ITGA10: variants seen among roughly 807,000 people sequenced by gnomAD.
The protein encoded by ITGA10 is integrin subunit alpha 10.
ITGA10 carries 105 observed loss-of-function variants against 145.2 expected under a neutral mutation model. That is an observed-to-expected ratio of 0.72 (90% CI 0.62 to 0.85). The LOEUF (loss-of-function observed/expected upper bound fraction) is 0.85. Ranked by LOEUF, ITGA10 falls within the 40% of genes least tolerant of loss-of-function variation. ITGA10 has a pLI of 0.00. For synonymous variants in ITGA10, 506 were observed against 557.8 expected, an observed-to-expected ratio of 0.91 and a Z score of 1.31; for missense variants, 1,317 against 1,444.5, an observed-to-expected ratio of 0.91 and a Z score of 1.43.
intron 27 of ITGA10, among the ~76,000 whole-genome samples, 187 bp from the exon 28 acceptor site, chr1:145,893,822 TCTG>T (rs1406786834): frequency 1.3e-5 from 2 of 152,088 alleles, no homozygotes; most frequent in African/African-American, 4.8e-5. Flanking sequence ...CCTGGTCACA[TCTG>T]CTGCTGCTGT....
chr1:145,891,837 C>G lies in ITGA10; in HGVS notation c.*961G>C, dbSNP rs919917209. Reference sequence around the variant, plus strand: ...ACTTTTAGATCCCATGGGGCTGCTGCTTCCCAAAGCTGGTAAAGTGAAAGC... The same window carrying G: ...ACTTTTAGATCCCATGGGGCTGCTGGTTCCCAAAGCTGGTAAAGTGAAAGC... On this transcript the variant is annotated 3_prime_UTR_variant, in exon 30 of 30. Coordinates refer to ENST00000369304, the MANE Select transcript of ITGA10 (RefSeq NM_003637.5). 2 of 152,256 alleles carry G rather than the reference C, an allele frequency of 1.3e-5. No individual in the cohort carries two copies. Among genetic ancestry groups the G allele is most frequent in the Non-Finnish European group, 2.9e-5 (2 of 68,060 alleles). 9.4% of individuals were successfully genotyped at this position (152,256 alleles called of 1,614,324 possible). A position where few individuals can be genotyped will look rare whatever the true frequency, so the allele number is the denominator to read the frequency against.
intron 22 of ITGA10, 63 bp downstream of exon 22, chr1:145,896,948 C>G: frequency 6.5e-7 from 1 of 1,547,174 alleles, no homozygotes; most frequent in Admixed American, 1.7e-5. Context: ...TTGTTCCTCC[C>G]CACCCCTCCA....
chr1:145,902,768 C>T (rs374148048), intron 8 of ITGA10, 43 bp downstream of exon 8: 2 of 1,581,186 alleles, frequency 1.3e-6, no homozygotes, highest in Non-Finnish European at 1.7e-6. Flanking sequence ...ACACTGCCCC[C>T]CTGCCACTCC....
rs1654981826 is a variant in ITGA10, at chr1:145,893,552, G to A, written c.3312C>T (p.Ser1104=). The change falls in exon 28 of 30, where the codon TCC becomes TCT. Residue 1104 remains serine (S), a synonymous_variant. Coordinates refer to ENST00000369304, the MANE Select transcript of ITGA10 (RefSeq NM_003637.5). ...TCTCCAGCCCTACCTCACTCCAACGGGAGGCTTCAGTCAGCTGTAGGACAC... is the reference window on the plus strand; with the variant it reads ...TCTCCAGCCCTACCTCACTCCAACGAGAGGCTTCAGTCAGCTGTAGGACAC... ...EGSVLQLTEA[S]RWSESLLEVV... 3 of 1,611,018 alleles carry A rather than the reference G, an allele frequency of 1.9e-6. No individual in the cohort carries two copies. Among genetic ancestry groups the A allele is most frequent in the African/African-American group, 1.3e-5 (1 of 74,828 alleles).
At chr1:145,903,025 ACACAC>A in intron 7 of ITGA10, 64 bp from the exon 8 acceptor site, 2 of 75,636 alleles carry the variant, frequency 2.6e-5, no homozygotes, top group Non-Finnish European at 3.9e-5. Context: ...ACACACACAT[ACACAC>A]ACACACACAC....
intron 20 of ITGA10, 30 bp downstream of exon 20, chr1:145,897,482 C>T (rs71664102): frequency 1.9e-6 from 3 of 1,612,684 alleles, no homozygotes; most frequent in Non-Finnish European, 2.5e-6. Context: ...CCTTTCTTTC[C>T]TTCTCCCACA....
chr1:145,892,998 G>T, intron 29 of ITGA10, 135 bp from the exon 30 acceptor site: 1 of 948,962 alleles, frequency 1.1e-6, no homozygotes, highest in Non-Finnish European at 1.7e-6. Context: ...ATTTGGCTTA[G>T]AATAATTTAA....
At chr1:145,898,422 G>T (rs1371787500) in intron 17 of ITGA10, among the ~76,000 whole-genome samples, 199 bp from the exon 18 acceptor site, 1 of 151,980 alleles carries the variant, frequency 6.6e-6, no homozygotes, top group Non-Finnish European at 1.5e-5. Flanking sequence ...AGGCTGGAGT[G>T]CAGTGGCATG....
In ITGA10 at chr1:145,899,356, G is replaced by C; in HGVS notation, c.1923-15C>G. The stretch of plus-strand genomic sequence containing the variant: ...TGGGCCGGGAGCTGGGAACAGTGTG[G>C]AAAAGAAATTCTAGCAGTAGGAGGT... On this transcript the variant is annotated splice_polypyrimidine_tract_variant and intron_variant, in intron 15 of 29. Transcript: ENST00000369304. 2.5e-6 allele frequency: 4 copies of C among 1,610,310 alleles called. No individual in the cohort carries two copies. The highest frequency in any genetic ancestry group is 3.4e-6 in the Non-Finnish European group (4 of 1,177,434).
chr1:145,906,498 G>A lies in ITGA10; in HGVS notation c.377C>T (p.Pro126Leu), dbSNP rs1553751075. The stretch of plus-strand genomic sequence containing the variant: ...GCTGCCACAAGCACGAGACCAGAGA[G>A]GGGCACAGGCCTGGGGATGGGGGAA... Reference protein sequence around the residue: ...DGDGGFMACAPLWSRACGSSV... With the variant: ...DGDGGFMACALLWSRACGSSV... The change falls in exon 5 of 30, where the codon CCT becomes CTT. Residue 126 changes from proline (P) to leucine (L), a missense_variant. Coordinates refer to ENST00000369304, the MANE Select transcript of ITGA10 (RefSeq NM_003637.5). 11 of 1,614,050 alleles carry A rather than the reference G, an allele frequency of 6.8e-6. No homozygotes were observed. Among genetic ancestry groups the A allele is most frequent in the Non-Finnish European group, 7.6e-6 (9 of 1,179,912 alleles).
Position 145,897,015 on chromosome 1 carries a change from T to G in ITGA10, c.2740A>C (p.Ser914Arg). The part of the protein sequence containing the change: ...LSQVFVKLTA[S>R]SDSLERNGTL... The stretch of plus-strand genomic sequence containing the variant: ...GAAAGTTCCCTTCATTCTCACCTGC[T>G]GGCAGTCAGCTTCACGAAGACCTGG... Residue 914 changes from serine (S) to arginine (R), a missense_variant, in exon 22 of 30, where the codon AGC becomes CGC. Transcript: ENST00000369304. 2 of 1,613,836 alleles carry G rather than the reference T, an allele frequency of 1.2e-6. No homozygotes were observed. The highest frequency in any genetic ancestry group is 8.5e-7 in the Non-Finnish European group (1 of 1,179,708).
intron 6 of ITGA10, 70 bp from the exon 7 acceptor site, chr1:145,904,270 T>TA: frequency 6.8e-7 from 1 of 1,474,736 alleles, no homozygotes; most frequent in Non-Finnish European, 9.5e-7. Context: ...GAAGAAAGTA[T>TA]ATAAGAGAGG....
intron 9 of ITGA10, 36 bp downstream of exon 9, chr1:145,902,418 C>T: frequency 6.2e-7 from 1 of 1,610,218 alleles, no homozygotes; most frequent in Admixed American, 1.7e-5. Context: ...TCCAGAACTT[C>T]TCCCGCCCTG....
chr1:145,894,733 A>T (rs1229279199), intron 27 of ITGA10, among the ~76,000 whole-genome samples: 1 of 152,168 alleles, frequency 6.6e-6, no homozygotes, highest in Admixed American at 6.5e-5. Context: ...CCTCTCACCT[A>T]TACAATCTTA....
rs781966203 is a variant in ITGA10, at chr1:145,896,755, G to C, written c.2834+14C>G. 13 of 1,601,844 alleles carry C rather than the reference G, an allele frequency of 8.1e-6. 1 individual carries two copies. The Admixed American group carries it at 1.7e-4, about 21-fold the overall frequency. The stretch of plus-strand genomic sequence containing the variant: ...GAGGTCAGAACTGGGTCCCACCCTA[G>C]AAGCTGGGCATACCTAGAGAACAGG... On this transcript the variant is annotated intron_variant, in intron 23 of 29. Coordinates refer to ENST00000369304, the MANE Select transcript of ITGA10 (RefSeq NM_003637.5).
At chr1:145,908,551 C>T (rs1657461097) in intron 1 of ITGA10, among the ~76,000 whole-genome samples, 1 of 152,126 alleles carries the variant, frequency 6.6e-6, no homozygotes, top group Non-Finnish European at 1.5e-5. Flanking sequence ...GACCCCAATG[C>T]CTTTAAAATC....
chr1:145,896,774 G>C lies in ITGA10; in HGVS notation c.2829C>G (p.Phe943Leu), dbSNP rs1553745239. The C allele has an allele frequency of 2.5e-6, 4 of 1,612,998 alleles. No individual in the cohort carries two copies. Among genetic ancestry groups the C allele is most frequent in the Non-Finnish European group, 1.7e-6 (2 of 1,178,964 alleles). Residue 943 changes from phenylalanine to leucine, a missense_variant, in exon 23 of 30, where the codon TTC becomes TTG. Coordinates refer to ENST00000369304, the MANE Select transcript of ITGA10 (RefSeq NM_003637.5). ...ACCCTAGAAGCTGGGCATACCTAGA[G>C]AACAGGAGGTGGGGCTCATATTGGA... ...AYIQYEPHLL[F>L]SSESTLHRYE...
chr1:145,899,521 T>G (rs1172828506), intron 15 of ITGA10, among the ~76,000 whole-genome samples, 180 bp from the exon 16 acceptor site: 1 of 152,084 alleles, frequency 6.6e-6, no homozygotes, highest in Non-Finnish European at 1.5e-5. Context: ...ATCTTTTTTT[T>G]TTTTTGAGAT....
In ITGA10 at chr1:145,898,169, T is replaced by C; in HGVS notation, c.2287A>G (p.Asn763Asp). 1 of 1,614,032 alleles carries C rather than the reference T, an allele frequency of 6.2e-7. No individual in the cohort carries two copies. Among genetic ancestry groups the C allele is most frequent in the Non-Finnish European group, 8.5e-7 (1 of 1,179,996 alleles). ...AGCACAGGCCCTGGCTTTGTAGTAT[T>C]GTCCAAGGCAAAGGTCACAGTCAAG... ...VALTVTFALD[N>D]TTKPGPVLNE... Residue 763 changes from asparagine to aspartate, a missense_variant, in exon 18 of 30, where the codon AAT (asparagine) becomes GAT (aspartate). Coordinates refer to ENST00000369304, the MANE Select transcript of ITGA10 (RefSeq NM_003637.5).
Sources: gnomAD v4.1 joint callset for allele counts (sites outside exome capture counted in the v4.1 genomes callset) on GRCh38, gnomAD v4.1.1 for gene constraint, MANE v1.5 for transcripts, NCBI Gene and HGNC (gene_info 2026-07-23, HGNC 2026-07-21) for gene names.